The following IPO9 variants were observed in gnomAD, a reference collection of about 807,000 sequenced individuals.
IPO9 encodes importin-9.
In IPO9, 28 loss-of-function variants were observed where a neutral mutation model predicts 128.6. That is an observed-to-expected ratio of 0.22 (90% CI 0.16 to 0.30). IPO9 has a LOEUF of 0.30. IPO9 is among the 10% of genes least tolerant of loss of function. The pLI is 1.00. For missense variants in IPO9, 935 were observed against 1,293.9 expected (o/e 0.72, Z 4.26); for synonymous variants, 455 against 475.8 (o/e 0.96, Z 0.57).
chr1:201,860,958 G>A (rs1386420259), intron 13 of IPO9, among the ~76,000 whole-genome samples: 1 of 152,098 alleles, frequency 6.6e-6, no homozygotes, highest in Admixed American at 6.6e-5. Context: ...ATGAGGTCAG[G>A]AGTTCGAGAC....
At position 201,863,762 on chromosome 1, in the gene IPO9, G is replaced by T. The variant is rs576473234; in HGVS notation, c.1628+155G>T. Among the ~76,000 whole-genome samples the T allele has an allele frequency of 2.0e-5, 3 of 152,224 alleles. No homozygotes were observed. The South Asian group carries it at 6.2e-4, about 31-fold the overall frequency. ...AAGGACAGGGAAAGAAACCATGCTA[G>T]AGACATGGCTTTTGTGAGTCCAGAA... is the stretch of plus-strand genomic sequence containing the variant. On this transcript the variant is annotated intron_variant, in intron 14 of 23. Transcript: ENST00000361565.
At chr1:201,851,980 A>G (rs1265075296) in intron 4 of IPO9, 124 bp from the exon 5 acceptor site, 1 of 523,176 alleles carries the variant, frequency 1.9e-6, no homozygotes, top group African/African-American at 1.9e-5. Flanking sequence ...CCACCAGGCC[A>G]GTGTCTTTAC....
chr1:201,851,743 G>A (rs1029781660), intron 4 of IPO9, among the ~76,000 whole-genome samples: 1 of 152,160 alleles, frequency 6.6e-6, no homozygotes, highest in African/African-American at 2.4e-5. Flanking sequence ...AAGAAACCTC[G>A]AAGTGTAACT....
At chr1:201,864,823 A>G (rs1680519626) in intron 14 of IPO9, among the ~76,000 whole-genome samples, 1 of 152,208 alleles carries the variant, frequency 6.6e-6, no homozygotes, top group Non-Finnish European at 1.5e-5. Context: ...TGTTTCAACA[A>G]GTTTATATTA....
chr1:201,845,024 GA>G (rs139696829), intron 1 of IPO9, among the ~76,000 whole-genome samples: 33,901 of 148,756 alleles, frequency 0.23, 4,543 homozygotes, highest in Non-Finnish European at 0.31. Context: ...TTTTTTTTGG[GA>G]GGGGGGGGCG....
intron 3 of IPO9, among the ~76,000 whole-genome samples, chr1:201,848,062 A>G (rs1311297860): frequency 6.6e-6 from 1 of 152,248 alleles, no homozygotes; most frequent in Non-Finnish European, 1.5e-5. Flanking sequence ...TTATGGAAAT[A>G]TTCTGTGTCT....
rs1456031318 is a variant in IPO9, at chr1:201,858,998, T to C, written c.1468+4T>C. The C allele has an allele frequency of 1.9e-6, 3 of 1,599,938 alleles. No individual in the cohort carries two copies. Among genetic ancestry groups the C allele is most frequent in the Non-Finnish European group, 2.6e-6 (3 of 1,168,516 alleles). On this transcript the variant is annotated splice_donor_region_variant and intron_variant, in intron 13 of 23. Transcript: ENST00000361565. ...CTTGCAGACCTCAACCTCTCAGGTA[T>C]GTTTCAGCACGTGCCAGGATTCTAG...
Position 201,857,123 on chromosome 1 carries a change from C to G in IPO9, c.1150C>G (p.Gln384Glu). The change falls in exon 11 of 24, where the codon CAA becomes GAA. Residue 384 changes from glutamine (Q) to glutamate (E), a missense_variant. This residue lies in a region of IPO9 where 741 missense variants were observed against 1,019.1 expected (regional missense o/e 0.73). Transcript: ENST00000361565. ...TAAAGTATGGACAGCCAACCCCCAA[C>G]AATTTGTAGAAGATGAAGATGATGA... ...QIKVWTANPQ[Q>E]FVEDEDDDTF... The G allele has an allele frequency of 6.2e-7, 1 of 1,612,530 alleles. No homozygotes were observed. The highest frequency in any genetic ancestry group is 8.5e-7 in the Non-Finnish European group (1 of 1,178,520).
rs7514583 is a variant in IPO9 at position 201,876,267 on chromosome 1, C to T, written c.*213C>T. The T allele has an allele frequency of 4.7e-3, 3,249 of 684,248 alleles. 56 individuals are homozygous for T. Among genetic ancestry groups the T allele is most frequent in the African/African-American group, 0.044 (2,497 of 56,584 alleles). The allele number at this position is 684,248 out of a possible 1,614,324, so 42.4% of individuals were successfully genotyped here. A position where few individuals can be genotyped will look rare whatever the true frequency, so the allele number is the denominator to read the frequency against. On this transcript the variant is annotated 3_prime_UTR_variant, in exon 24 of 24. Coordinates refer to ENST00000361565, the MANE Select transcript of IPO9 (RefSeq NM_018085.5). ...AACAAAGGACATTTCTCAAAGTTCCCCTGAAGACATGCCATCTCTAGAACC... is the reference window on the plus strand; with the variant it reads ...AACAAAGGACATTTCTCAAAGTTCCTCTGAAGACATGCCATCTCTAGAACC...
intron 17 of IPO9, 41 bp downstream of exon 17, chr1:201,869,759 C>G: frequency 1.9e-6 from 3 of 1,609,602 alleles, no homozygotes; most frequent in Non-Finnish European, 2.5e-6. Context: ...AGATAGCTCC[C>G]CAGCCATGGG....
chr1:201,865,846 C>T (rs1165870034), intron 14 of IPO9, among the ~76,000 whole-genome samples: 1 of 152,078 alleles, frequency 6.6e-6, no homozygotes, highest in East Asian at 1.9e-4. Context: ...GATCCCAGCA[C>T]TTTGTGGGGC....
Position 201,863,542 on chromosome 1 carries a change from A to C in IPO9, c.1563A>C (p.Thr521=). 2 of 1,607,442 alleles carry C rather than the reference A, an allele frequency of 1.2e-6. No individual in the cohort carries two copies. The highest frequency in any genetic ancestry group is 1.7e-6 in the Non-Finnish European group (2 of 1,174,504). The change falls in exon 14 of 24, where the codon ACA becomes ACC. Residue 521 remains threonine, a synonymous_variant. Transcript: ENST00000361565. ...PELIQQFLQA[T]VSGLHETQPP... ...TGATCCAGCAGTTCCTACAGGCAACAGTTAGTGGTCTTCACGAGACACAGC... is the reference window on the plus strand; with the variant it reads ...TGATCCAGCAGTTCCTACAGGCAACCGTTAGTGGTCTTCACGAGACACAGC...
In IPO9 at chr1:201,879,541, G is replaced by A. The variant is rs184701032; in HGVS notation, c.*3487G>A. 21 of 152,278 alleles carry A rather than the reference G, an allele frequency of 1.4e-4. No individual in the cohort carries two copies. In the East Asian group the frequency reaches 3.5e-3, roughly 25 times the overall value. 9.4% of individuals were successfully genotyped at this position (152,278 alleles called of 1,614,324 possible). On this transcript the variant is annotated 3_prime_UTR_variant, in exon 24 of 24. Coordinates refer to ENST00000361565, the MANE Select transcript of IPO9 (RefSeq NM_018085.5). Reference sequence around the variant, plus strand: ...ATAGTACTAGTAAATTAGGAGTGCTGATCAAATTTTTAGATAATAAGAAAC... The same window carrying A: ...ATAGTACTAGTAAATTAGGAGTGCTAATCAAATTTTTAGATAATAAGAAAC...
At chr1:201,857,365 T>C (rs1558220773) in intron 11 of IPO9, among the ~76,000 whole-genome samples, 171 bp downstream of exon 11, 1 of 152,204 alleles carries the variant, frequency 6.6e-6, no homozygotes, top group Non-Finnish European at 1.5e-5. Flanking sequence ...TCAGAAATTC[T>C]AAAATCATTG....
rs1010095747 is a variant in IPO9, at chr1:201,871,613, G to A, written c.2576+286G>A. ...TCACCATGTTGGCCAGGCTGGTCTT[G>A]AACTCCTGACCTCAAGTGATCCACC... On this transcript the variant is annotated intron_variant, in intron 19 of 23. Coordinates refer to ENST00000361565, the MANE Select transcript of IPO9 (RefSeq NM_018085.5). 5.3e-5 allele frequency among the ~76,000 whole-genome samples: 8 copies of A among 151,986 alleles called. No individual in the cohort carries two copies. In the East Asian group the frequency reaches 1.6e-3, roughly 30 times the overall value.
At chr1:201,869,353 T>C (rs1363144462) in intron 16 of IPO9, among the ~76,000 whole-genome samples, 2 of 152,210 alleles carry the variant, frequency 1.3e-5, no homozygotes, top group East Asian at 3.9e-4. Context: ...TGTCACCTGG[T>C]TATCCAATCC....
rs562799510 is a variant in IPO9, at chr1:201,857,688, G to A, written c.1221+494G>A. Among the ~76,000 whole-genome samples, 7 of 152,012 alleles carry A rather than the reference G, an allele frequency of 4.6e-5. No individual in the cohort carries two copies. The South Asian group carries it at 1.5e-3, about 32-fold the overall frequency. ...CGCATGCCTGTAATCCCAGCTACTC[G>A]GGAGGCTGACGCAGGAGAATTGCTT... On this transcript the variant is annotated intron_variant, in intron 11 of 23. Coordinates refer to ENST00000361565, the MANE Select transcript of IPO9 (RefSeq NM_018085.5).
At position 201,882,060 on chromosome 1, in the gene IPO9, G is replaced by A. The variant is rs563402459; in HGVS notation, c.*6006G>A. On this transcript the variant is annotated 3_prime_UTR_variant, in exon 24 of 24. Coordinates refer to ENST00000361565, the MANE Select transcript of IPO9 (RefSeq NM_018085.5). ...TCACGGGAAAATTCCCCATTCTCAC[G>A]GGGATTTAGACTAGGTCTTAACCAT... 2.0e-5 allele frequency: 3 copies of A among 152,244 alleles called. No individual in the cohort carries two copies. The highest frequency in any genetic ancestry group is 2.0e-4 in the Admixed American group (3 of 15,290). The allele number at this position is 152,244 out of a possible 1,614,324, so 9.4% of individuals were successfully genotyped here.
At chr1:201,856,795 T>A (rs1680336155) in intron 10 of IPO9, among the ~76,000 whole-genome samples, 1 of 152,178 alleles carries the variant, frequency 6.6e-6, no homozygotes, top group Non-Finnish European at 1.5e-5. Context: ...CAAGCCATCC[T>A]CCTGCCTCAG....
Sources: allele counts gnomAD v4.1 joint callset (sites outside exome capture counted in the v4.1 genomes callset), GRCh38; gene constraint gnomAD v4.1.1; regional missense constraint gnomAD v4.1.1; transcripts MANE v1.5; gene names NCBI Gene and HGNC (gene_info 2026-07-23, HGNC 2026-07-21).